GAN: variants seen among roughly 807,000 people sequenced by gnomAD.
The protein encoded by GAN is gigaxonin.
In GAN, 48 loss-of-function variants were observed where a neutral mutation model predicts 71.3. That is an observed-to-expected ratio of 0.67 (90% confidence interval 0.53 to 0.86). The LOEUF (loss-of-function observed/expected upper bound fraction) is 0.86, where lower values mean the gene tolerates loss of function less well. Ranked by LOEUF, GAN falls within the 40% of genes least tolerant of loss-of-function variation. The pLI is 0.00. For missense variants in GAN, 928 were observed against 770.1 expected (o/e 1.21, Z -2.43); for synonymous variants, 386 against 276.8 (o/e 1.39, Z -3.92).
In GAN at chr16:81,314,968, C is replaced by G. The variant is rs559451629; in HGVS notation, c.-146C>G. ...CGCCGGCCCAGCGCGCCGCGGATAG[C>G]ACAGGCACGTCCCGGGGGCTCCAGC... On this transcript the variant is annotated 5_prime_UTR_variant, in exon 1 of 11. Transcript: ENST00000648994. 2.2e-5 allele frequency: 14 copies of G among 633,344 alleles called. No individual in the cohort carries two copies. The highest frequency in any genetic ancestry group is 1.7e-4 in the African/African-American group (9 of 51,934). 39.2% of individuals were successfully genotyped at this position (633,344 alleles called of 1,614,324 possible). A position where few individuals can be genotyped will look rare whatever the true frequency, so the allele number is the denominator to read the frequency against.
At chr16:81,345,665 A>G (rs1910094810) in intron 1 of GAN, among the ~76,000 whole-genome samples, 1 of 152,178 alleles carries the variant, frequency 6.6e-6, no homozygotes, top group Non-Finnish European at 1.5e-5. Flanking sequence ...TAATGGGTTC[A>G]GCAAACCACC....
chr16:81,358,031 A>T (rs976110077), intron 5 of GAN, 100 bp downstream of exon 5: 2 of 1,031,600 alleles, frequency 1.9e-6, no homozygotes, highest in African/African-American at 3.2e-5. Flanking sequence ...ATACAATTTT[A>T]TTATCTCTAC....
At chr16:81,330,664 C>G (rs757213071) in intron 1 of GAN, among the ~76,000 whole-genome samples, 1 of 152,164 alleles carries the variant, frequency 6.6e-6, no homozygotes, top group Non-Finnish European at 1.5e-5. Context: ...CAGACAGTAT[C>G]TACTGATGGC....
At chr16:81,343,885 A>G (rs538795216) in intron 1 of GAN, among the ~76,000 whole-genome samples, 2 of 152,344 alleles carry the variant, frequency 1.3e-5, no homozygotes, top group East Asian at 3.9e-4. Context: ...TCTCAGCCCA[A>G]AATCTTCTTA....
In GAN at chr16:81,354,996, T is replaced by C. The variant is rs551081567; in HGVS notation, c.633+241T>C. On this transcript the variant is annotated intron_variant, in intron 3 of 10. Transcript: ENST00000648994. The stretch of plus-strand genomic sequence containing the variant: ...CCCTTGTAAGGAGCGTAATATCCTT[T>C]GTATGTTGTTTTTAATGGGAAAATG... Among the ~76,000 whole-genome samples the C allele has an allele frequency of 2.0e-5, 3 of 152,264 alleles. No individual in the cohort carries two copies. In the South Asian group the frequency reaches 6.2e-4, roughly 32 times the overall value.
chr16:81,363,395 G>C (rs150981386), intron 6 of GAN, among the ~76,000 whole-genome samples: 1 of 152,214 alleles, frequency 6.6e-6, no homozygotes, highest in Non-Finnish European at 1.5e-5. Flanking sequence ...AGAGTGGGCT[G>C]TTAGGGAAGC....
intron 1 of GAN, among the ~76,000 whole-genome samples, chr16:81,348,347 T>C (rs1910189042): frequency 6.6e-6 from 1 of 152,240 alleles, no homozygotes; most frequent in Non-Finnish European, 1.5e-5. Context: ...CGATGAATTT[T>C]TCTTTTTTCC....
intron 1 of GAN, among the ~76,000 whole-genome samples, chr16:81,325,383 G>A (rs1369297099): frequency 6.6e-6 from 1 of 152,194 alleles, no homozygotes; most frequent in African/African-American, 2.4e-5. Flanking sequence ...CAGGGCCATT[G>A]AGGCAGAACA....
intron 1 of GAN, among the ~76,000 whole-genome samples, chr16:81,330,023 C>T (rs995156658): frequency 6.6e-6 from 1 of 152,162 alleles, no homozygotes; most frequent in Non-Finnish European, 1.5e-5. Context: ...ATATCATCAC[C>T]TCGCTCACTC....
In GAN at chr16:81,337,296, G is replaced by A. The variant is rs184374355; in HGVS notation, c.168-14287G>A. 7.9e-5 allele frequency among the ~76,000 whole-genome samples: 12 copies of A among 152,240 alleles called. No homozygotes were observed. In the South Asian group the frequency reaches 1.0e-3, roughly 13 times the overall value. ...GGTGACATGATGACATGATTCATTC[G>A]AAATCATGAGTAATGCCCATGAATC... On this transcript the variant is annotated intron_variant, in intron 1 of 10. Coordinates refer to ENST00000648994, the MANE Select transcript of GAN (RefSeq NM_022041.4).
rs1904285155 is a variant in GAN, at chr16:81,377,404, C to G, written c.1613-11C>G. On this transcript the variant is annotated splice_polypyrimidine_tract_variant and intron_variant, in intron 10 of 10. Transcript: ENST00000648994. ...TACATTTTCTCACCCTTGCTTATTT[C>G]TGTGGCTTAGGTACCAATTACGACT... The G allele has an allele frequency of 1.2e-6, 2 of 1,613,160 alleles. No homozygotes were observed. The highest frequency in any genetic ancestry group is 2.2e-5 in the East Asian group (1 of 44,884).
chr16:81,316,546 T>C (rs1413114351), intron 1 of GAN, among the ~76,000 whole-genome samples: 1 of 152,128 alleles, frequency 6.6e-6, no homozygotes, highest in Non-Finnish European at 1.5e-5. Context: ...AGAATTTGGA[T>C]TGCTAATGTG....
intron 2 of GAN, among the ~76,000 whole-genome samples, chr16:81,352,157 C>A (rs113086781): frequency 6.6e-6 from 1 of 152,072 alleles, no homozygotes; most frequent in Non-Finnish European, 1.5e-5. Context: ...AGATCATTCC[C>A]AGAGAAAGAT....
chr16:81,325,295 G>C (rs1420168708), intron 1 of GAN, among the ~76,000 whole-genome samples: 1 of 152,160 alleles, frequency 6.6e-6, no homozygotes, highest in Non-Finnish European at 1.5e-5. Context: ...CTACTTGGGC[G>C]ATCACATATG....
chr16:81,357,055 C>T (rs139872663), intron 4 of GAN, 53 bp downstream of exon 4: 1 of 1,035,308 alleles, frequency 9.7e-7, no homozygotes, highest in African/African-American at 1.6e-5. Flanking sequence ...AGAGGTAGTT[C>T]CATGTAAACA....
chr16:81,341,844 G>T (rs1909953652), intron 1 of GAN, among the ~76,000 whole-genome samples: 1 of 152,136 alleles, frequency 6.6e-6, no homozygotes, highest in Non-Finnish European at 1.5e-5. Context: ...TTGGCAAATT[G>T]GATAAAGAGT....
chr16:81,325,905 T>A (rs1030003611), intron 1 of GAN, among the ~76,000 whole-genome samples: 2 of 152,252 alleles, frequency 1.3e-5, no homozygotes, highest in Admixed American at 6.5e-5. Flanking sequence ...TCTGTGAATA[T>A]GTTTTGCTTT....
At chr16:81,351,993 G>A (rs1910315720) in intron 2 of GAN, among the ~76,000 whole-genome samples, 1 of 152,138 alleles carries the variant, frequency 6.6e-6, no homozygotes, top group African/African-American at 2.4e-5. Flanking sequence ...TGCCCTGACT[G>A]CTGTGTTTTT....
intron 1 of GAN, among the ~76,000 whole-genome samples, chr16:81,332,792 T>C (rs1909629201): frequency 6.6e-6 from 1 of 152,196 alleles, no homozygotes; most frequent in Non-Finnish European, 1.5e-5. Flanking sequence ...GTTTGGTTTC[T>C]TACGATTAGA....
Sources: allele counts gnomAD v4.1 joint callset (sites outside exome capture counted in the v4.1 genomes callset), GRCh38; gene constraint gnomAD v4.1.1; transcripts MANE v1.5; gene names NCBI Gene and HGNC (gene_info 2026-07-23, HGNC 2026-07-21).